The following PTPRT variants were observed in gnomAD, a reference collection of about 807,000 sequenced individuals.
The protein encoded by PTPRT is receptor-type tyrosine-protein phosphatase T.
In PTPRT, 56 loss-of-function variants were observed where a neutral mutation model predicts 176.8. The ratio of observed to expected loss-of-function variants is 0.32; its 90% CI spans 0.26 to 0.40. PTPRT has a LOEUF of 0.40. Among genes scored for constraint, PTPRT ranks in the 10% least tolerant of loss-of-function variants. The pLI, the probability that PTPRT is intolerant of heterozygous loss-of-function variation, is 1.00. For missense variants in PTPRT, 1,540 were observed against 1,908.2 expected (o/e 0.81, Z 3.60); for synonymous variants, 783 against 739.0 (o/e 1.06, Z -0.96).
intron 7 of PTPRT, among the ~76,000 whole-genome samples, chr20:42,647,501 C>A (rs897312254): frequency 2.0e-5 from 3 of 152,176 alleles, no homozygotes; most frequent in African/African-American, 7.2e-5. Flanking sequence ...ATTCACTTTA[C>A]CCGGAAGTCC....
rs78490119 is a variant in PTPRT, at chr20:42,448,716, G to T, written c.1451-387C>A. Among the ~76,000 whole-genome samples the T allele has an allele frequency of 6.6e-3, 1,010 of 152,246 alleles. 4 individuals carry two copies. The highest frequency in any genetic ancestry group is 0.023 in the African/African-American group (966 of 41,558). On this transcript the variant is annotated intron_variant, in intron 8 of 30. Coordinates refer to ENST00000373187, the MANE Select transcript of PTPRT (RefSeq NM_007050.6). ...GCAGAAAGGACATGAGCAGTTTCCA[G>T]TTCTGCCAGAGGTGGGAATCTGAAA... is the stretch of plus-strand genomic sequence containing the variant.
At chr20:42,201,597 A>T (rs913946611) in intron 15 of PTPRT, among the ~76,000 whole-genome samples, 3 of 152,098 alleles carry the variant, frequency 2.0e-5, no homozygotes, top group African/African-American at 7.2e-5. Context: ...GACCAGAGGA[A>T]CAAATAGAGG....
intron 17 of PTPRT, among the ~76,000 whole-genome samples, chr20:42,148,079 T>C (rs983620641): frequency 3.9e-5 from 6 of 152,184 alleles, no homozygotes; most frequent in African/African-American, 1.4e-4. Flanking sequence ...TGGCAGTCAT[T>C]AGGCGCTAAT....
intron 7 of PTPRT, among the ~76,000 whole-genome samples, chr20:42,573,179 T>C (rs917203972): frequency 1.8e-4 from 27 of 152,016 alleles, no homozygotes; most frequent in Non-Finnish European, 8.8e-5. Context: ...CACAGGAAGA[T>C]GGAAGTAAGA....
chr20:42,049,188 C>T, the PTPRT span, among the ~76,000 whole-genome samples: 1 of 152,192 alleles, frequency 6.6e-6, no homozygotes, highest in Middle Eastern at 3.2e-3. Context: ...TTGAATTGGA[C>T]CTTTAACTCC....
chr20:42,050,702 G>T, the PTPRT span, among the ~76,000 whole-genome samples: 1 of 152,136 alleles, frequency 6.6e-6, no homozygotes, highest in Admixed American at 6.5e-5. Context: ...TTTTAGGTGC[G>T]GCCACAGGGA....
At chr20:42,632,955 T>C (rs1249057512) in intron 7 of PTPRT, among the ~76,000 whole-genome samples, 2 of 152,142 alleles carry the variant, frequency 1.3e-5, no homozygotes, top group Non-Finnish European at 2.9e-5. Flanking sequence ...TATTCATAAA[T>C]AGGACATCTA....
intron 6 of PTPRT, among the ~76,000 whole-genome samples, chr20:42,699,299 C>T (rs2075936361): frequency 6.6e-6 from 1 of 152,146 alleles, no homozygotes. Context: ...TTTGCACCTG[C>T]TGAAATAGTT....
intron 1 of PTPRT, among the ~76,000 whole-genome samples, chr20:43,129,488 TGA>T (rs1416206208): frequency 1.3e-5 from 2 of 152,118 alleles, no homozygotes; most frequent in Non-Finnish European, 2.9e-5. Context: ...TATACTCTGA[TGA>T]AAAAAGTGAC....
chr20:42,387,852 C>T (rs6030192), intron 9 of PTPRT, among the ~76,000 whole-genome samples: 11,350 of 149,484 alleles, frequency 0.076, 607 homozygotes, highest in African/African-American at 0.15. Flanking sequence ...AGTGCAATGG[C>T]GCAATCTTGG....
At chr20:42,583,311 C>G (rs950409959) in intron 7 of PTPRT, among the ~76,000 whole-genome samples, 1 of 152,190 alleles carries the variant, frequency 6.6e-6, no homozygotes, top group Non-Finnish European at 1.5e-5. Context: ...GAGTTATTTG[C>G]TCAAAGGCCT....
chr20:43,138,602 C>T (rs1568807208), intron 1 of PTPRT, among the ~76,000 whole-genome samples: 2 of 152,186 alleles, frequency 1.3e-5, no homozygotes, highest in African/African-American at 2.4e-5. Flanking sequence ...TCATGTAACA[C>T]GGTAATAGTT....
In PTPRT at chr20:42,915,941, ATTG is replaced by A. The variant is rs1010454486; in HGVS notation, c.89-30012_89-30010del. Among the ~76,000 whole-genome samples the A allele has an allele frequency of 1.5e-4, 23 of 151,188 alleles. No individual in the cohort carries two copies. The East Asian group carries it at 1.6e-3, about 10-fold the overall frequency. ...ATGCCATTTCCCTCATGAGTGCCCAATTGTTGTTGTTGTTGTTGTTGTTTTTAT... is the reference window on the plus strand; with the variant it reads ...ATGCCATTTCCCTCATGAGTGCCCAATTGTTGTTGTTGTTGTTGTTTTTAT... On this transcript the variant is annotated intron_variant, in intron 1 of 30. Coordinates refer to ENST00000373187, the MANE Select transcript of PTPRT (RefSeq NM_007050.6).
rs2425474 is a variant in PTPRT, at chr20:42,102,019, G to A, written c.3714+105C>T. 1,231 of 1,345,576 alleles carry A rather than the reference G, an allele frequency of 9.1e-4. 8 individuals carry two copies. The African/African-American group carries it at 0.014, about 15-fold the overall frequency. 83.4% of individuals were successfully genotyped at this position (1,345,576 alleles called of 1,614,324 possible). A position where few individuals can be genotyped will look rare whatever the true frequency, so the allele number is the denominator to read the frequency against. ...GGACTAGTAGATCAGAAGCAGGGGG[G>A]GCTGGCTGGTGGGGTCAGGGCCCTG... On this transcript the variant is annotated intron_variant, in intron 26 of 30. Coordinates refer to ENST00000373187, the MANE Select transcript of PTPRT (RefSeq NM_007050.6).
At chr20:43,188,126 G>C (rs895078969) in intron 1 of PTPRT, among the ~76,000 whole-genome samples, 9 of 152,134 alleles carry the variant, frequency 5.9e-5, no homozygotes, top group Admixed American at 1.3e-4. Flanking sequence ...TCTGAGTCAC[G>C]AATCATGCCT....
chr20:42,916,133 G>A (rs1255325743), intron 1 of PTPRT, among the ~76,000 whole-genome samples: 2 of 84,024 alleles, frequency 2.4e-5, no homozygotes, highest in Non-Finnish European at 4.3e-5. Context: ...CCCCACAACA[G>A]TCCCCGGTGT....
At chr20:42,612,281 C>T (rs985982351) in intron 7 of PTPRT, among the ~76,000 whole-genome samples, 12 of 152,216 alleles carry the variant, frequency 7.9e-5, no homozygotes, top group African/African-American at 2.7e-4. Context: ...CTCCACACAT[C>T]CACCGAGCTT....
chr20:43,151,238 G>A (rs914370138), intron 1 of PTPRT, among the ~76,000 whole-genome samples: 18 of 150,856 alleles, frequency 1.2e-4, no homozygotes, highest in Admixed American at 5.9e-4. Flanking sequence ...CCCGGGAGGC[G>A]GAGGTTGCGG....
intron 1 of PTPRT, among the ~76,000 whole-genome samples, chr20:43,104,495 ACC>A (rs1187729875): frequency 6.6e-6 from 1 of 152,110 alleles, no homozygotes; most frequent in African/African-American, 2.4e-5. Context: ...AAGCTATTTA[ACC>A]CCCCTGAAAA....
Sources: allele counts gnomAD v4.1 joint callset (sites outside exome capture counted in the v4.1 genomes callset), GRCh38; gene constraint gnomAD v4.1.1; transcripts MANE v1.5; gene names NCBI Gene and HGNC (gene_info 2026-07-23, HGNC 2026-07-21).